The following APBB2 variants were observed in gnomAD, a reference collection of about 807,000 sequenced individuals.
The protein encoded by APBB2 is Fe65-like 1.
Under a neutral mutation model 82.5 loss-of-function variants are expected in APBB2, and 38 were observed. That is an observed-to-expected ratio of 0.46 (90% CI 0.36 to 0.60). APBB2 has a LOEUF of 0.60. Ranked by LOEUF, APBB2 falls within the 20% of genes least tolerant of loss-of-function variation. The probability of loss-of-function intolerance (pLI) is 0.00; values close to 1 mark genes in which losing one functional copy is unlikely to be tolerated. For missense variants in APBB2, 772 were observed against 972.3 expected (o/e 0.79, Z 2.74); for synonymous variants, 341 against 368.2 (o/e 0.93, Z 0.85).
chr4:40,834,194 C>T (rs1380186482), intron 12 of APBB2, among the ~76,000 whole-genome samples: 2 of 152,074 alleles, frequency 1.3e-5, no homozygotes, highest in African/African-American at 2.4e-5. Flanking sequence ...ATCTGTCAGT[C>T]CATGACGGTG....
intron 5 of APBB2, among the ~76,000 whole-genome samples, chr4:41,032,558 T>C (rs4861359): frequency 0.1 from 15,459 of 151,992 alleles, 983 homozygotes; most frequent in Admixed American, 0.2. Flanking sequence ...AAGATGCAGA[T>C]TGAGAAACGC....
rs555761017 is a variant in APBB2, at chr4:40,896,050, C to T, written c.1255-2639G>A. Among the ~76,000 whole-genome samples, 34 of 151,252 alleles carry T rather than the reference C, an allele frequency of 2.2e-4. No individual in the cohort carries two copies. In the South Asian group the frequency reaches 5.5e-3, roughly 24 times the overall value. ...TGATAAACAAGGCTGGATAAACAGC[C>T]GGTGACCTCAATACAGTTCTTTTTT... On this transcript the variant is annotated intron_variant, in intron 10 of 17. Transcript: ENST00000508593.
chr4:41,159,294 C>A (rs1244771034), intron 1 of APBB2, among the ~76,000 whole-genome samples: 1 of 151,644 alleles, frequency 6.6e-6, no homozygotes, highest in East Asian at 1.9e-4. Flanking sequence ...GGGAAGGGAA[C>A]AGATGAATTA....
chr4:41,091,903 C>T (rs139108116), intron 3 of APBB2, among the ~76,000 whole-genome samples: 12 of 152,274 alleles, frequency 7.9e-5, no homozygotes, highest in African/African-American at 2.6e-4. Flanking sequence ...TCTAACCACT[C>T]TCTATGCTCT....
At chr4:41,028,174 T>G (rs77004633) in intron 5 of APBB2, among the ~76,000 whole-genome samples, 6,974 of 152,310 alleles carry the variant, frequency 0.046, 342 homozygotes, top group African/African-American at 0.12. Flanking sequence ...CTCCATGCCA[T>G]ATATGCTTCT....
chr4:40,831,567 A>C (rs2154302774), intron 12 of APBB2, among the ~76,000 whole-genome samples: 1 of 152,352 alleles, frequency 6.6e-6, no homozygotes, highest in African/African-American at 2.4e-5. Context: ...ATGAATCGCA[A>C]GATGATATAA....
intron 15 of APBB2, among the ~76,000 whole-genome samples, chr4:40,824,640 A>G (rs555134350): frequency 4.6e-5 from 7 of 152,188 alleles, no homozygotes; most frequent in Admixed American, 3.9e-4. Flanking sequence ...GGTACATGCC[A>G]CCATGCCCAG....
chr4:40,941,134 TTTGA>T (rs1479789409), intron 7 of APBB2, among the ~76,000 whole-genome samples: 2 of 136,686 alleles, frequency 1.5e-5, no homozygotes, highest in East Asian at 4.0e-4. Context: ...CACTTAGTTA[TTTGA>T]TTCTTTTTTT....
intron 3 of APBB2, among the ~76,000 whole-genome samples, chr4:41,073,090 T>G (rs1041730185): frequency 9.8e-5 from 15 of 152,346 alleles, no homozygotes; most frequent in African/African-American, 3.6e-4. Context: ...TAGACCTTTT[T>G]TTAGACTAGG....
intron 10 of APBB2, among the ~76,000 whole-genome samples, chr4:40,918,951 GTTTC>G (rs1780585341): frequency 6.6e-6 from 1 of 151,966 alleles, no homozygotes; most frequent in Non-Finnish European, 1.5e-5. Context: ...CTTGAGGTGA[GTTTC>G]TTTTTCTTTT....
intron 4 of APBB2, among the ~76,000 whole-genome samples, chr4:41,061,930 T>A (rs549254513): frequency 6.6e-6 from 1 of 152,224 alleles, no homozygotes; most frequent in Non-Finnish European, 1.5e-5. Flanking sequence ...CCACACCTGA[T>A]GATAAAATTA....
chr4:41,062,291 G>A (rs1482883124), intron 4 of APBB2, among the ~76,000 whole-genome samples: 1 of 151,944 alleles, frequency 6.6e-6, no homozygotes, highest in Non-Finnish European at 1.5e-5. Context: ...TCCTGCCTCA[G>A]CCTCTCTCGT....
At chr4:41,045,245 CTCTTT>C (rs1468179055) in intron 4 of APBB2, among the ~76,000 whole-genome samples, 3 of 151,706 alleles carry the variant, frequency 2.0e-5, no homozygotes, top group Non-Finnish European at 4.4e-5. Context: ...TTGTAATAAT[CTCTTT>C]TAATTATTTT....
At chr4:41,136,823 C>T (rs1202220173) in intron 2 of APBB2, among the ~76,000 whole-genome samples, 2 of 152,026 alleles carry the variant, frequency 1.3e-5, no homozygotes, top group Non-Finnish European at 2.9e-5. Context: ...AATGTCATGT[C>T]CCAAACAAAA....
At chr4:41,182,983 G>A (rs1181735032) in intron 1 of APBB2, among the ~76,000 whole-genome samples, 2 of 152,138 alleles carry the variant, frequency 1.3e-5, no homozygotes, top group Non-Finnish European at 2.9e-5. Flanking sequence ...AGAAACCTAA[G>A]TCCTAAATCA....
chr4:40,904,468 T>TA (rs869190221), intron 10 of APBB2, among the ~76,000 whole-genome samples: 7 of 149,220 alleles, frequency 4.7e-5, no homozygotes, highest in Non-Finnish European at 8.9e-5. Flanking sequence ...AATAAATAAA[T>TA]AATAAGGCAG....
At chr4:40,851,732 ATATATATTTTTTT>A (rs1346984751) in intron 12 of APBB2, among the ~76,000 whole-genome samples, 2 of 32,746 alleles carry the variant, frequency 6.1e-5, no homozygotes, top group Admixed American at 8.4e-4. Flanking sequence ...ATATATATAT[ATATATATTTTTTT>A]TTTTTTTTTT....
chr4:41,186,691 A>G (rs1032246827), intron 1 of APBB2, among the ~76,000 whole-genome samples: 1 of 152,236 alleles, frequency 6.6e-6, no homozygotes, highest in African/African-American at 2.4e-5. Context: ...CTTACATTGC[A>G]ATAAACCCAC....
chr4:41,030,397 C>CT (rs1716287251), intron 5 of APBB2, among the ~76,000 whole-genome samples: 1 of 152,098 alleles, frequency 6.6e-6, no homozygotes, highest in Non-Finnish European at 1.5e-5. Context: ...TGTTCAATTT[C>CT]TTTTTTACTT....
Sources: allele counts gnomAD v4.1 joint callset (sites outside exome capture counted in the v4.1 genomes callset), GRCh38; gene constraint gnomAD v4.1.1; transcripts MANE v1.5; gene names NCBI Gene and HGNC (gene_info 2026-07-23, HGNC 2026-07-21).